Variants in ZNF560 observed in about 807,000 individuals in gnomAD.
The protein encoded by ZNF560 is zinc finger protein 560.
Under a neutral mutation model 81.8 loss-of-function variants are expected in ZNF560, and 54 were observed. That is an observed-to-expected ratio of 0.66 (90% confidence interval 0.53 to 0.83). ZNF560 has a LOEUF of 0.83. Ranked by LOEUF, ZNF560 falls within the 40% of genes least tolerant of loss-of-function variation. The pLI, the probability that ZNF560 is intolerant of heterozygous loss-of-function variation, is 0.00. For missense variants in ZNF560, 940 were observed against 932.4 expected (o/e 1.01, Z -0.11); for synonymous variants, 321 against 317.9 (o/e 1.01, Z -0.10).
Position 9,467,138 on chromosome 19 carries a change from C to T in ZNF560, c.1809G>A (p.Lys603=). The T allele has an allele frequency of 1.2e-6, 2 of 1,613,920 alleles. No homozygotes were observed. The highest frequency in any genetic ancestry group is 1.7e-6 in the Non-Finnish European group (2 of 1,179,996). ...RHSGEKPYEC[K]KCGKAFTERS... is the part of the protein sequence containing the mutation. ...GTTCTGTGAAGGCTTTTCCACATTTCTTACATTCATATGGCTTCTCTCCAC... is the reference window on the plus strand; with the variant it reads ...GTTCTGTGAAGGCTTTTCCACATTTTTTACATTCATATGGCTTCTCTCCAC... The change falls in exon 10 of 10, where the codon AAG becomes AAA. Residue 603 remains lysine (K), a synonymous_variant. Coordinates refer to ENST00000301480, the MANE Select transcript of ZNF560 (RefSeq NM_152476.3).
chr19:9,503,787 A>G, the ZNF560 span, among the ~76,000 whole-genome samples: 58 of 152,272 alleles, frequency 3.8e-4, no homozygotes, highest in Middle Eastern at 3.4e-3. Context: ...ATCCTCCTGC[A>G]TCAGCCTCCC....
rs2073028461 is a variant in ZNF560 at position 9,466,858 on chromosome 19, T to C, written c.2089A>G (p.Met697Val). Residue 697 changes from methionine to valine, a missense_variant, in exon 10 of 10, where the codon ATG becomes GTG. Coordinates refer to ENST00000301480, the MANE Select transcript of ZNF560 (RefSeq NM_152476.3). ...NACGNSFRNS[M>V]CFHDRLKTLT... ...GTTTTTAAGCGATCATGAAAGCACA[T>C]GGAATTTCGAAAGGAATTTCCACAT... The C allele has an allele frequency of 1.2e-6, 2 of 1,613,978 alleles. No individual in the cohort carries two copies. The highest frequency in any genetic ancestry group is 2.2e-5 in the South Asian group (2 of 91,076).
At chr19:9,488,437 G>A (rs541830386) in intron 2 of ZNF560, among the ~76,000 whole-genome samples, 15 of 152,166 alleles carry the variant, frequency 9.9e-5, no homozygotes, top group African/African-American at 3.6e-4. Flanking sequence ...TTTCTGAGGA[G>A]AAAGCCTTCT....
the ZNF560 span, among the ~76,000 whole-genome samples, chr19:9,455,696 A>G: frequency 6.6e-6 from 1 of 152,232 alleles, no homozygotes; most frequent in Non-Finnish European, 1.5e-5. Flanking sequence ...TGTTGCAGTT[A>G]TTAGCTTTTG....
chr19:9,487,123 C>T (rs1859371702), intron 2 of ZNF560, among the ~76,000 whole-genome samples: 1 of 123,484 alleles, frequency 8.1e-6, no homozygotes, highest in Non-Finnish European at 1.7e-5. Context: ...GAAGACAGGA[C>T]ACAGCAGCAG....
At chr19:9,447,524 GTAAT>G in the ZNF560 span, among the ~76,000 whole-genome samples, 1 of 152,038 alleles carries the variant, frequency 6.6e-6, no homozygotes, top group Non-Finnish European at 1.5e-5. Context: ...ATCTTAAGAA[GTAAT>G]TAATCAAAGC....
intron 2 of ZNF560, among the ~76,000 whole-genome samples, chr19:9,479,150 A>G (rs1199958075): frequency 1.3e-4 from 20 of 151,806 alleles, no homozygotes; most frequent in Admixed American, 1.2e-3. Context: ...TCATGCCACT[A>G]TACTCCAGCC....
Position 9,483,622 on chromosome 19 carries a change from G to A in ZNF560, c.-56-8253C>T, listed in dbSNP as rs1486877191. On this transcript the variant is annotated intron_variant, in intron 2 of 9. Transcript: ENST00000301480. ...GCCCGGCCAGCCGCCCCGTCTGGGA[G>A]GGAGGTGGGGGCCAGCCCCCCGCCG... Among the ~76,000 whole-genome samples the A allele has an allele frequency of 3.5e-4, 52 of 148,540 alleles. No homozygotes were observed. The East Asian group carries it at 9.5e-3, about 27-fold the overall frequency.
chr19:9,483,874 T>A (rs528915604), intron 2 of ZNF560, among the ~76,000 whole-genome samples: 1 of 151,002 alleles, frequency 6.6e-6, no homozygotes, highest in Non-Finnish European at 1.5e-5. Flanking sequence ...GGGGGAAAGA[T>A]AGAGAAATCA....
At chr19:9,450,111 C>T in the ZNF560 span, among the ~76,000 whole-genome samples, 154 of 150,912 alleles carry the variant, frequency 1.0e-3, no homozygotes, top group Non-Finnish European at 1.0e-3. Context: ...GCCAAGATGG[C>T]GAAACCCTGT....
chr19:9,460,248 C>G, the ZNF560 span, among the ~76,000 whole-genome samples: 1 of 152,174 alleles, frequency 6.6e-6, no homozygotes, highest in African/African-American at 2.4e-5. Flanking sequence ...ACGAGCAACA[C>G]TCATCGAAAG....
In ZNF560 at chr19:9,466,507, A is replaced by G. The variant is rs2073018467; in HGVS notation, c.*67T>C. On this transcript the variant is annotated 3_prime_UTR_variant, in exon 10 of 10. Coordinates refer to ENST00000301480, the MANE Select transcript of ZNF560 (RefSeq NM_152476.3). ...GTTACTTTCTCCTGTGAATTTTTAC[A>G]TGTTCAGTTAGGCTTGAGGAAACAG... is the stretch of plus-strand genomic sequence containing the variant. 2 of 1,427,236 alleles carry G rather than the reference A, an allele frequency of 1.4e-6. No individual in the cohort carries two copies. The highest frequency in any genetic ancestry group is 2.3e-5 in the East Asian group (1 of 43,646). The allele number at this position is 1,427,236 out of a possible 1,614,324, so 88.4% of individuals were successfully genotyped here.
upstream of ZNF560, among the ~76,000 whole-genome samples, chr19:9,501,720 A>G (rs1365210525): frequency 6.6e-6 from 1 of 151,888 alleles, no homozygotes; most frequent in Non-Finnish European, 1.5e-5. Context: ...GCTGGCCTCC[A>G]ACTCCTAAGC....
chr19:9,475,394 GC>G (rs1404356626), intron 2 of ZNF560, 25 bp from the exon 3 acceptor site: 47 of 1,383,232 alleles, frequency 3.4e-5, no homozygotes, highest in Non-Finnish European at 3.0e-6. Flanking sequence ...AGGCATAAGA[GC>G]CCAGACATAA....
At chr19:9,450,263 C>G in the ZNF560 span, among the ~76,000 whole-genome samples, 1 of 150,334 alleles carries the variant, frequency 6.7e-6, no homozygotes, top group African/African-American at 2.5e-5. Context: ...TGCACTCCAG[C>G]CTGGGTGATA....
chr19:9,471,281 CT>C lies in ZNF560; in HGVS notation c.321+14del. 6.5e-7 allele frequency: 1 copy of C among 1,547,408 alleles called. No homozygotes were observed. Among genetic ancestry groups the C allele is most frequent in the Non-Finnish European group, 8.7e-7 (1 of 1,144,544 alleles). ...CTGAGTGTGAAAAATAAGAAATACC[CT>C]TTCTTAACATTACCATTTGTATCCC... On this transcript the variant is annotated intron_variant, in intron 6 of 9. Coordinates refer to ENST00000301480, the MANE Select transcript of ZNF560 (RefSeq NM_152476.3).
Position 9,467,252 on chromosome 19 carries a change from T to A in ZNF560, c.1695A>T (p.Thr565=), listed in dbSNP as rs1290748723. 3 of 1,614,080 alleles carry A rather than the reference T, an allele frequency of 1.9e-6. No homozygotes were observed. The highest frequency in any genetic ancestry group is 2.5e-6 in the Non-Finnish European group (3 of 1,179,996). Residue 565 remains threonine (T), a synonymous_variant, in exon 10 of 10, where the codon ACA becomes ACT. Coordinates refer to ENST00000301480, the MANE Select transcript of ZNF560 (RefSeq NM_152476.3). Reference sequence around the variant, plus strand: ...ATTCATAGGGTTTCTCTCCAGCGTGTGTTCGTAAATGTTTGGTAAGATATG... The same window carrying A: ...ATTCATAGGGTTTCTCTCCAGCGTGAGTTCGTAAATGTTTGGTAAGATATG... The part of the protein sequence containing the change: ...KCSYLTKHLR[T]HAGEKPYECM...
At chr19:9,481,801 T>C (rs1458509922) in intron 2 of ZNF560, among the ~76,000 whole-genome samples, 2 of 152,132 alleles carry the variant, frequency 1.3e-5, no homozygotes, top group Non-Finnish European at 2.9e-5. Flanking sequence ...TGTGGAGAAA[T>C]AGGAATGCTT....
At chr19:9,500,222 A>T (rs2073621212), upstream of ZNF560, among the ~76,000 whole-genome samples, 1 of 151,830 alleles carries the variant, frequency 6.6e-6, no homozygotes, top group Non-Finnish European at 1.5e-5. Context: ...CGTCTCTACT[A>T]AAGATACAAA....
Sources: gnomAD v4.1 joint callset for allele counts (sites outside exome capture counted in the v4.1 genomes callset) on GRCh38, gnomAD v4.1.1 for gene constraint, MANE v1.5 for transcripts, NCBI Gene and HGNC (gene_info 2026-07-23, HGNC 2026-07-21) for gene names.